The following TNS1 variants were observed in gnomAD, a reference collection of about 807,000 sequenced individuals.
TNS1 encodes tensin 1.
Under a neutral mutation model 168.6 loss-of-function variants are expected in TNS1, and 62 were observed. That is an observed-to-expected ratio of 0.37 (90% CI 0.30 to 0.45). TNS1 has a LOEUF of 0.45. Ranked by LOEUF, TNS1 falls within the 20% of genes least tolerant of loss-of-function variation. The pLI is 1.00. For missense variants in TNS1, 2,240 were observed against 2,339.4 expected (o/e 0.96, Z 0.88); for synonymous variants, 934 against 933.2 (o/e 1.00, Z -0.02).
chr2:217,891,641 A>G (rs1951755391), intron 11 of TNS1, among the ~76,000 whole-genome samples: 1 of 152,222 alleles, frequency 6.6e-6, no homozygotes, highest in Non-Finnish European at 1.5e-5. Flanking sequence ...AAATGAAAAG[A>G]TCACGAAGCT....
chr2:217,821,821 G>A lies in TNS1; in HGVS notation c.3491C>T (p.Pro1164Leu), dbSNP rs1225807730. 6.4e-7 allele frequency: 1 copy of A among 1,567,964 alleles called. No homozygotes were observed. ...PATQAYGHEI[P>L]LRNGTLGGSF... ...GCCACCCAGGGTCCCGTTCCTCAGGGGTATCTCATGGCCATAGGCCTGGGT... is the reference window on the plus strand; with the variant it reads ...GCCACCCAGGGTCCCGTTCCTCAGGAGTATCTCATGGCCATAGGCCTGGGT... Residue 1164 changes from proline (P) to leucine (L), a missense_variant, in exon 23 of 33, where the codon CCC becomes CTC. Coordinates refer to ENST00000682258, the MANE Select transcript of TNS1 (RefSeq NM_001387777.1).
At chr2:217,855,556 A>ATCTCTC (rs3838562) in intron 18 of TNS1, among the ~76,000 whole-genome samples, 65 of 147,556 alleles carry the variant, frequency 4.4e-4, no homozygotes, top group Non-Finnish European at 8.4e-4. Flanking sequence ...AAGAGCCTTT[A>ATCTCTC]TCTCTCTCTC....
At chr2:217,861,427 G>A (rs1241650611) in intron 18 of TNS1, among the ~76,000 whole-genome samples, 2 of 152,166 alleles carry the variant, frequency 1.3e-5, no homozygotes, top group African/African-American at 4.8e-5. Context: ...TTTGAAGCAA[G>A]GGACCCACAA....
chr2:217,858,700 A>ACACACACACACAC (rs1212064824), intron 18 of TNS1: 1 of 188,238 alleles, frequency 5.3e-6, no homozygotes. Context: ...ACACACACAC[A>ACACACACACACAC]CCCCACTCCC....
chr2:217,835,273 C>A, intron 20 of TNS1, 107 bp from the exon 21 acceptor site: 1 of 1,026,164 alleles, frequency 9.7e-7, no homozygotes, highest in Non-Finnish European at 1.4e-6. Flanking sequence ...CCCCCACATC[C>A]CCTCGTCAGC....
intron 3 of TNS1, among the ~76,000 whole-genome samples, chr2:217,928,330 C>T (rs886221531): frequency 4.6e-5 from 7 of 152,246 alleles, no homozygotes; most frequent in Admixed American, 3.9e-4. Flanking sequence ...GCCACTGCCC[C>T]GGCCCATTTC....
chr2:217,962,189 A>C (rs140639531), intron 3 of TNS1, among the ~76,000 whole-genome samples: 173 of 152,360 alleles, frequency 1.1e-3, no homozygotes, highest in South Asian at 2.1e-3. Flanking sequence ...CACGCCTATA[A>C]TCCCAGCGCT....
intron 1 of TNS1, among the ~76,000 whole-genome samples, chr2:218,018,673 C>T (rs1454341940): frequency 2.6e-5 from 4 of 152,152 alleles, no homozygotes; most frequent in African/African-American, 4.8e-5. Context: ...GGATGTGAGG[C>T]GGGAGCTGGG....
chr2:218,005,926 G>A (rs561552637), upstream of TNS1, among the ~76,000 whole-genome samples: 17 of 152,230 alleles, frequency 1.1e-4, no homozygotes, highest in Non-Finnish European at 2.1e-4. Context: ...CAGACTCTCC[G>A]CAGGCCTGGA....
intron 3 of TNS1, among the ~76,000 whole-genome samples, chr2:217,969,930 G>C (rs114500217): frequency 6.6e-6 from 1 of 152,092 alleles, no homozygotes; most frequent in Non-Finnish European, 1.5e-5. Context: ...AAGTAGGGTC[G>C]TTACAGATGT....
intron 4 of TNS1, among the ~76,000 whole-genome samples, chr2:217,911,099 C>T (rs1219038464): frequency 2.0e-5 from 3 of 152,192 alleles, no homozygotes; most frequent in Non-Finnish European, 4.4e-5. Context: ...ACCCCTATGT[C>T]TGTCTCCACC....
In TNS1 at chr2:218,033,026, C is replaced by T. The variant is rs756172141; in HGVS notation, c.156+794G>A. ...CCTGTCCCTGCCCACCTTTACCTGGCCCAACAGGCACCTGCCCCATGTCAA... is the reference window on the plus strand; with the variant it reads ...CCTGTCCCTGCCCACCTTTACCTGGTCCAACAGGCACCTGCCCCATGTCAA... On this transcript the variant is annotated intron_variant, in intron 1 of 1. Coordinates refer to the TNS1 transcript ENST00000649572. The surrounding 1 kb of genome is among the most constrained non-coding windows in gnomAD (Gnocchi z 4.3). 6.6e-6 allele frequency among the ~76,000 whole-genome samples: 1 copy of T among 152,166 alleles called. No individual in the cohort carries two copies.
At chr2:217,923,865 T>A (rs1420680876) in intron 3 of TNS1, among the ~76,000 whole-genome samples, 1 of 152,130 alleles carries the variant, frequency 6.6e-6, no homozygotes, top group Non-Finnish European at 1.5e-5. Context: ...CATGGTAGCC[T>A]CCCAGACCAG....
intron 30 of TNS1, among the ~76,000 whole-genome samples, chr2:217,809,345 A>ATAGG (rs1559140223): frequency 3.7e-3 from 80 of 21,906 alleles, no homozygotes; most frequent in African/African-American, 0.023. Flanking sequence ...GGATGGATGG[A>ATAGG]TGCATGGATG....
intron 3 of TNS1, among the ~76,000 whole-genome samples, chr2:217,974,911 C>G (rs1469598818): frequency 2.0e-5 from 3 of 152,164 alleles, no homozygotes; most frequent in African/African-American, 7.2e-5. Context: ...ATTCTTGCCT[C>G]ATGGTATTCA....
rs755548915 is a variant in TNS1, at chr2:217,886,087, G to A, written c.997C>T (p.Arg333Cys). The A allele has an allele frequency of 2.2e-5, 35 of 1,613,962 alleles. No homozygotes were observed. The Middle Eastern group carries it at 5.0e-4, about 23-fold the overall frequency. The change falls in exon 14 of 33, where the codon CGC (arginine) becomes TGC (cysteine). Residue 333 changes from arginine (R) to cysteine (C), a missense_variant. By Grantham distance (180) the Arg-to-Cys change is radical (BLOSUM62 -3). Transcript: ENST00000682258. ...ESKGGCRPFLRIYQAMQPVYT... is the reference protein window; with the variant it reads ...ESKGGCRPFLCIYQAMQPVYT... ...ACAGGTTGCATGGCCTGGTAGATGCGGAGAAATGGCCGACATCCTGTAAAA... is the reference window on the plus strand; with the variant it reads ...ACAGGTTGCATGGCCTGGTAGATGCAGAGAAATGGCCGACATCCTGTAAAA...
At chr2:218,014,730 C>G (rs930361779), upstream of TNS1, among the ~76,000 whole-genome samples, 2 of 152,206 alleles carry the variant, frequency 1.3e-5, no homozygotes, top group Admixed American at 1.3e-4. Flanking sequence ...TGTCTCACCC[C>G]TTTTCCTACC....
chr2:218,029,080 C>T lies in TNS1; in HGVS notation c.156+4740G>A, dbSNP rs1267177588. On this transcript the variant is annotated intron_variant, in intron 1 of 1. Transcript: ENST00000649572. ...GGGTGCAGCCCTATCTTCAGCCTCACGCCCTCCTGCCCCTGCTAGGGACTC... is the reference window on the plus strand; with the variant it reads ...GGGTGCAGCCCTATCTTCAGCCTCATGCCCTCCTGCCCCTGCTAGGGACTC... 3.9e-5 allele frequency among the ~76,000 whole-genome samples: 6 copies of T among 152,222 alleles called. No individual in the cohort carries two copies. In the East Asian group the frequency reaches 9.6e-4, roughly 24 times the overall value.
At chr2:217,968,962 G>A (rs1434184923) in intron 3 of TNS1, among the ~76,000 whole-genome samples, 1 of 152,124 alleles carries the variant, frequency 6.6e-6, no homozygotes, top group Non-Finnish European at 1.5e-5. Context: ...GCCTCCCAAA[G>A]TGCTGGGATT....
Sources: allele counts gnomAD v4.1 joint callset (sites outside exome capture counted in the v4.1 genomes callset), GRCh38; gene constraint gnomAD v4.1.1; non-coding constraint Gnocchi (gnomAD v3.1); transcripts MANE v1.5; gene names NCBI Gene and HGNC (gene_info 2026-07-23, HGNC 2026-07-21).